FAN1: variants seen among roughly 807,000 people sequenced by gnomAD.
The protein encoded by FAN1 is FANCD2 and FANCI associated nuclease 1.
In FAN1, 91 loss-of-function variants were observed where a neutral mutation model predicts 104.9. That is an observed-to-expected ratio of 0.87 (90% CI 0.73 to 1.03). The LOEUF (loss-of-function observed/expected upper bound fraction) is 1.03, where lower values mean the gene tolerates loss of function less well. Among genes scored for constraint, FAN1 ranks in the 50% least tolerant of loss-of-function variants. The probability of loss-of-function intolerance (pLI) is 0.00; values close to 1 mark genes in which losing one functional copy is unlikely to be tolerated. For synonymous variants in FAN1, 478 were observed against 457.6 expected, an observed-to-expected ratio of 1.04 and a Z score of -0.57; for missense variants, 1,263 against 1,239.9, an observed-to-expected ratio of 1.02 and a Z score of -0.28.
chr15:30,938,752 A>G (rs1257603742), intron 14 of FAN1, among the ~76,000 whole-genome samples: 1 of 152,118 alleles, frequency 6.6e-6, no homozygotes, highest in Non-Finnish European at 1.5e-5. Context: ...ATGATCTATC[A>G]ATATCCACAT....
chr15:30,909,175 G>A (rs561994669), intron 3 of FAN1, among the ~76,000 whole-genome samples: 29 of 152,334 alleles, frequency 1.9e-4, no homozygotes, highest in African/African-American at 6.7e-4. Flanking sequence ...GGAAATGTGA[G>A]CCTTGGGTTC....
At chr15:30,914,641 TA>T (rs2062165279) in intron 5 of FAN1, among the ~76,000 whole-genome samples, 1 of 152,164 alleles carries the variant, frequency 6.6e-6, no homozygotes, top group Non-Finnish European at 1.5e-5. Flanking sequence ...GCTGGGATTA[TA>T]GGCGTGAACC....
intron 6 of FAN1, among the ~76,000 whole-genome samples, chr15:30,918,864 T>C (rs1431974788): frequency 1.3e-5 from 2 of 152,192 alleles, no homozygotes; most frequent in Non-Finnish European, 1.5e-5. Flanking sequence ...ATTTAGGATA[T>C]ACAGTTGACC....
chr15:30,914,249 T>C (rs2062156962), intron 5 of FAN1, among the ~76,000 whole-genome samples, 158 bp downstream of exon 5: 1 of 152,228 alleles, frequency 6.6e-6, no homozygotes, highest in African/African-American at 2.4e-5. Flanking sequence ...TCTATGACTA[T>C]AGGGAAAATG....
rs146208994 is a variant in FAN1 at position 30,941,556 on chromosome 15, G to A, written c.*4-10G>A. On this transcript the variant is annotated splice_polypyrimidine_tract_variant and intron_variant, in intron 14 of 14. Coordinates refer to ENST00000362065, the MANE Select transcript of FAN1 (RefSeq NM_014967.5). ...CTTAATGGTGTTCCTAAAATGCTTC[G>A]TCTGCACAGATTCCCTACAGGAGAA... 15 of 1,603,572 alleles carry A rather than the reference G, an allele frequency of 9.4e-6. No individual in the cohort carries two copies. The highest frequency in any genetic ancestry group is 6.7e-5 in the East Asian group (3 of 44,640).
At chr15:30,934,531 G>A (rs935593697) in intron 13 of FAN1, among the ~76,000 whole-genome samples, 1 of 152,034 alleles carries the variant, frequency 6.6e-6, no homozygotes, top group African/African-American at 2.4e-5. Context: ...ACGCCACCAT[G>A]CCTGGCTAAT....
chr15:30,904,043 G>T (rs1248934284), intron 1 of FAN1, 32 bp downstream of exon 1: 4 of 152,298 alleles, frequency 2.6e-5, no homozygotes, highest in Admixed American at 6.5e-5. Flanking sequence ...CCTTGACCCA[G>T]CAGCGTCCGC....
At chr15:30,913,812 A>G (rs757072869) in intron 4 of FAN1, 46 bp from the exon 5 acceptor site, 12 of 1,281,862 alleles carry the variant, frequency 9.4e-6, no homozygotes, top group Non-Finnish European at 1.3e-5. Context: ...CTGACATCCA[A>G]ATGCTTAAAA....
chr15:30,941,354 C>T (rs1456828141), intron 14 of FAN1: 23 of 1,536,432 alleles, frequency 1.5e-5, no homozygotes, highest in Non-Finnish European at 2.0e-5. Flanking sequence ...AGTGCAAATT[C>T]CAACTATTAT....
At chr15:30,911,173 A>G (rs1388613754) in intron 4 of FAN1, 3 of 1,019,186 alleles carry the variant, frequency 2.9e-6, no homozygotes, top group Non-Finnish European at 3.5e-6. Flanking sequence ...TAAACAAAGT[A>G]TAATCAGGCA....
intron 14 of FAN1, chr15:30,940,046 T>C (rs1447871706): frequency 2.0e-6 from 2 of 979,398 alleles, no homozygotes; most frequent in Non-Finnish European, 2.4e-6. Context: ...AATACAGTTA[T>C]CTTGAAAACA....
At chr15:30,936,508 A>G (rs2062857118) in intron 13 of FAN1, among the ~76,000 whole-genome samples, 1 of 152,210 alleles carries the variant, frequency 6.6e-6, no homozygotes, top group Non-Finnish European at 1.5e-5. Context: ...TTGCTATACT[A>G]AGAATCAGTT....
At chr15:30,930,796 G>C in intron 13 of FAN1, 125 bp downstream of exon 13, 2 of 1,228,592 alleles carry the variant, frequency 1.6e-6, no homozygotes, top group Non-Finnish European at 2.3e-6. Flanking sequence ...TTTGGGCCGA[G>C]GGCCTGGGTT....
intron 5 of FAN1, among the ~76,000 whole-genome samples, chr15:30,917,924 G>C (rs1208968665): frequency 6.6e-6 from 1 of 152,202 alleles, no homozygotes; most frequent in African/African-American, 2.4e-5. Flanking sequence ...TTATAGAATG[G>C]AACATGTTAT....
In FAN1 at chr15:30,910,720, G is replaced by GC; in HGVS notation, c.1483dup (p.Gln495ProfsTer22). 1 of 1,614,080 alleles carries GC rather than the reference G, an allele frequency of 6.2e-7. No homozygotes were observed. Among genetic ancestry groups the GC allele is most frequent in the Non-Finnish European group, 8.5e-7 (1 of 1,179,992 alleles). On this transcript the variant is annotated frameshift_variant, in exon 4 of 15. Transcript: ENST00000362065. LOFTEE classifies it high-confidence loss of function. ...TGGTGAATCCCAATGGACAGAAACA[G>GC]CAGCTGGTGGACGCCTTTCTCAAAT...
At chr15:30,924,950 A>G in intron 8 of FAN1, 177 bp from the exon 9 acceptor site, 1 of 616,286 alleles carries the variant, frequency 1.6e-6, no homozygotes, top group Non-Finnish European at 2.7e-6. Flanking sequence ...TGCCAGATGC[A>G]TTGAAATCCT....
At chr15:30,925,373 T>G in intron 9 of FAN1, 82 bp downstream of exon 9, 1 of 1,302,766 alleles carries the variant, frequency 7.7e-7, no homozygotes, top group Non-Finnish European at 1.1e-6. Context: ...AAGAGCTGTT[T>G]TGAGTGTGTG....
At position 30,918,872 on chromosome 15, in the gene FAN1, AC is replaced by A. The variant is rs1365050454; in HGVS notation, c.1943+580del. On this transcript the variant is annotated intron_variant, in intron 6 of 14. Coordinates refer to ENST00000362065, the MANE Select transcript of FAN1 (RefSeq NM_014967.5). ...AAAAATCATTTAGGATATACAGTTG[AC>A]CCTTGAATGATGCAGGGGTTGGGGT... is the stretch of plus-strand genomic sequence containing the variant. Among the ~76,000 whole-genome samples, 76 of 152,188 alleles carry A rather than the reference AC, an allele frequency of 5.0e-4. 1 individual carries two copies. Among genetic ancestry groups the A allele is most frequent in the Non-Finnish European group, 1.3e-4 (9 of 67,998 alleles).
At chr15:30,919,520 G>C (rs375317736) in intron 6 of FAN1, among the ~76,000 whole-genome samples, 1 of 151,420 alleles carries the variant, frequency 6.6e-6, no homozygotes, top group African/African-American at 2.4e-5. Flanking sequence ...GTGAAACCTC[G>C]TCTCTACTAA....
Sources: allele counts gnomAD v4.1 joint callset (sites outside exome capture counted in the v4.1 genomes callset), GRCh38; gene constraint gnomAD v4.1.1; transcripts MANE v1.5; gene names NCBI Gene and HGNC (gene_info 2026-07-23, HGNC 2026-07-21).